The following SMAP1 variants were observed in gnomAD, a reference collection of about 807,000 sequenced individuals.
The protein encoded by SMAP1 is small ArfGAP 1.
Under a neutral mutation model 58.5 loss-of-function variants are expected in SMAP1, and 24 were observed. The observed-to-expected ratio is 0.41, with a 90% CI of 0.30 to 0.58. SMAP1 has a LOEUF of 0.58. SMAP1 is among the 20% of genes least tolerant of loss of function. The pLI, the probability that SMAP1 is intolerant of heterozygous loss-of-function variation, is 0.29. For missense variants in SMAP1, 563 were observed against 566.3 expected, an observed-to-expected ratio of 0.99 and a Z score of 0.06; for synonymous variants, 216 against 196.6, an observed-to-expected ratio of 1.10 and a Z score of -0.82.
chr6:70,820,937 A>G (rs936898978), intron 6 of SMAP1, among the ~76,000 whole-genome samples: 13 of 152,164 alleles, frequency 8.5e-5, no homozygotes, highest in Non-Finnish European at 1.5e-4. Context: ...TACAAACAGT[A>G]ACAGTGGTTC....
chr6:70,792,011 CAGTT>C (rs1346034010), intron 5 of SMAP1, among the ~76,000 whole-genome samples: 4 of 152,226 alleles, frequency 2.6e-5, no homozygotes, highest in African/African-American at 9.6e-5. Context: ...AGTTAAGAAG[CAGTT>C]AGTTTTTTGT....
rs778505000 is a variant in SMAP1, at chr6:70,732,487, C to T, written c.228C>T (p.Asp76=). Reference sequence around the variant, plus strand: ...CCAGGGTCAAATCAGTCAACCTAGACCAATGGACAGCAGAACAGATACAGG... The same window carrying T: ...CCAGGGTCAAATCAGTCAACCTAGATCAATGGACAGCAGAACAGATACAGG... ...HISRVKSVNL[D]QWTAEQIQCM... is the part of the protein sequence containing the mutation. Residue 76 remains aspartate (D), a synonymous_variant, in exon 2 of 11, where the codon GAC becomes GAT. Transcript: ENST00000370455. 13 of 1,604,182 alleles carry T rather than the reference C, an allele frequency of 8.1e-6. No homozygotes were observed. Among genetic ancestry groups the T allele is most frequent in the Admixed American group, 6.7e-5 (4 of 59,320 alleles).
chr6:70,684,137 A>G (rs1766835826), intron 1 of SMAP1, among the ~76,000 whole-genome samples: 1 of 152,228 alleles, frequency 6.6e-6, no homozygotes. Flanking sequence ...CAATTTATTC[A>G]AACATAAATT....
chr6:70,780,555 T>A (rs1372273399), intron 4 of SMAP1, among the ~76,000 whole-genome samples: 1 of 152,198 alleles, frequency 6.6e-6, no homozygotes, highest in African/African-American at 2.4e-5. Context: ...TACTACTACC[T>A]GGGCAACAGA....
chr6:70,791,898 C>T, intron 5 of SMAP1, 129 bp downstream of exon 5: 2 of 682,026 alleles, frequency 2.9e-6, no homozygotes, highest in Non-Finnish European at 2.3e-6. Flanking sequence ...ATTAAAACAG[C>T]AATTTCTAGA....
chr6:70,711,894 C>T (rs1380281206), intron 1 of SMAP1, among the ~76,000 whole-genome samples: 3 of 152,022 alleles, frequency 2.0e-5, no homozygotes, highest in Admixed American at 6.6e-5. Context: ...ATAATTTTAC[C>T]TTTTCCTTTC....
chr6:70,752,921 C>T (rs1257555322), intron 2 of SMAP1, among the ~76,000 whole-genome samples: 1 of 152,030 alleles, frequency 6.6e-6, no homozygotes. Context: ...CAGTGGTCTC[C>T]TATAGAAATG....
At chr6:70,810,824 G>A (rs908173001) in intron 6 of SMAP1, among the ~76,000 whole-genome samples, 9 of 152,162 alleles carry the variant, frequency 5.9e-5, no homozygotes, top group African/African-American at 1.9e-4. Flanking sequence ...TCAGGCATAA[G>A]CCACTGCACC....
At position 70,784,681 on chromosome 6, in the gene SMAP1, C is replaced by A. The variant is rs1341494353; in HGVS notation, c.415-7008C>A. Among the ~76,000 whole-genome samples the A allele has an allele frequency of 2.0e-5, 3 of 152,236 alleles. No individual in the cohort carries two copies. In the East Asian group the frequency reaches 5.8e-4, roughly 29 times the overall value. ...GTCTCTGATAAAACAGACTTCAAAC[C>A]AACAAAGATCAAAAGAGACAAAGAA... is the stretch of plus-strand genomic sequence containing the variant. On this transcript the variant is annotated intron_variant, in intron 4 of 10. Coordinates refer to ENST00000370455, the MANE Select transcript of SMAP1 (RefSeq NM_001044305.3).
intron 1 of SMAP1, among the ~76,000 whole-genome samples, chr6:70,685,242 A>G (rs1013644695): frequency 6.6e-6 from 1 of 152,082 alleles, no homozygotes; most frequent in Non-Finnish European, 1.5e-5. Flanking sequence ...AGACCAGTGC[A>G]AAAATACTTG....
chr6:70,846,904 C>T (rs1771010675), intron 7 of SMAP1, among the ~76,000 whole-genome samples: 3 of 152,160 alleles, frequency 2.0e-5, no homozygotes, highest in Admixed American at 6.5e-5. Context: ...GCTTACTGTG[C>T]AGATTCCCTC....
chr6:70,827,710 T>G (rs908791887), intron 6 of SMAP1, among the ~76,000 whole-genome samples: 3 of 152,240 alleles, frequency 2.0e-5, no homozygotes, highest in African/African-American at 7.2e-5. Flanking sequence ...ACTAAATGTC[T>G]TCAAGGCTGC....
intron 6 of SMAP1, among the ~76,000 whole-genome samples, chr6:70,812,385 A>G (rs1340220889): frequency 2.0e-5 from 3 of 152,192 alleles, no homozygotes. Context: ...AATTATCTGC[A>G]TTTTGGAGGA....
intron 6 of SMAP1, among the ~76,000 whole-genome samples, chr6:70,818,570 G>A (rs550727491): frequency 3.9e-5 from 6 of 152,284 alleles, no homozygotes; most frequent in African/African-American, 1.4e-4. Flanking sequence ...GAAGTGGAGA[G>A]GTTTCTTTAT....
At chr6:70,793,733 T>G (rs1042016907) in intron 5 of SMAP1, among the ~76,000 whole-genome samples, 6 of 152,048 alleles carry the variant, frequency 3.9e-5, no homozygotes, top group African/African-American at 1.4e-4. Flanking sequence ...ATTTATTTAT[T>G]TTTTTGAGAC....
At chr6:70,731,831 A>G (rs544489903) in intron 1 of SMAP1, among the ~76,000 whole-genome samples, 2 of 152,304 alleles carry the variant, frequency 1.3e-5, no homozygotes, top group Admixed American at 1.3e-4. Flanking sequence ...AAGTAACTGT[A>G]GAGTTAAAGA....
At chr6:70,736,549 C>G (rs568237509) in intron 2 of SMAP1, among the ~76,000 whole-genome samples, 1 of 152,212 alleles carries the variant, frequency 6.6e-6, no homozygotes, top group Non-Finnish European at 1.5e-5. Flanking sequence ...GAAATTTGGT[C>G]TATAGTGATA....
At chr6:70,703,573 A>G (rs572298877) in intron 1 of SMAP1, among the ~76,000 whole-genome samples, 1 of 152,220 alleles carries the variant, frequency 6.6e-6, no homozygotes, top group Non-Finnish European at 1.5e-5. Context: ...TAGTGAGGCA[A>G]AAATTCTTCG....
intron 4 of SMAP1, among the ~76,000 whole-genome samples, chr6:70,777,719 T>G (rs1767602451): frequency 6.6e-6 from 1 of 152,070 alleles, no homozygotes; most frequent in African/African-American, 2.4e-5. Flanking sequence ...CTACAAATTT[T>G]ATAGTTTTGG....
Sources: gnomAD v4.1 joint callset for allele counts (sites outside exome capture counted in the v4.1 genomes callset) on GRCh38, gnomAD v4.1.1 for gene constraint, MANE v1.5 for transcripts, NCBI Gene and HGNC (gene_info 2026-07-23, HGNC 2026-07-21) for gene names.